Variants in BACE1 observed in about 807,000 individuals in gnomAD.
BACE1 encodes APP beta-secretase.
Under a neutral mutation model 54.0 loss-of-function variants are expected in BACE1, and 21 were observed. That is an observed-to-expected ratio of 0.39 (90% CI 0.28 to 0.56). BACE1 has a LOEUF of 0.56. Ranked by LOEUF, BACE1 falls within the 20% of genes least tolerant of loss-of-function variation. BACE1 has a pLI of 0.63. For missense variants in BACE1, 511 were observed against 661.2 expected, an observed-to-expected ratio of 0.77 and a Z score of 2.49; for synonymous variants, 232 against 260.9, an observed-to-expected ratio of 0.89 and a Z score of 1.07.
At position 117,303,589 on chromosome 11, in the gene BACE1, C is replaced by G. The variant is rs28989482; in HGVS notation, c.262-6628G>C. Among the ~76,000 whole-genome samples the G allele has an allele frequency of 2.8e-3, 428 of 152,304 alleles. 14 individuals carry two copies. In the South Asian group the frequency reaches 0.05, roughly 18 times the overall value. On this transcript the variant is annotated intron_variant, in intron 1 of 8. Coordinates refer to ENST00000313005, the MANE Select transcript of BACE1 (RefSeq NM_012104.6). ...CTCAGATTCTTCTGGATGAAAAACG[C>G]CTTCAAGGGGCATCTGTTTAGTGGC...
chr11:117,290,357 C>A lies in BACE1; in HGVS notation c.1264+131G>T. 3 of 1,146,342 alleles carry A rather than the reference C, an allele frequency of 2.6e-6. 1 individual carries two copies. The South Asian group carries it at 5.0e-5, about 19-fold the overall frequency. 71.0% of individuals were successfully genotyped at this position (1,146,342 alleles called of 1,614,324 possible). A position where few individuals can be genotyped will look rare whatever the true frequency, so the allele number is the denominator to read the frequency against. ...AGCATTGACACTAGCTTTTGCACAA[C>A]TGTTGACTTGGGTTTGAGGCAACTG... is the stretch of plus-strand genomic sequence containing the variant. On this transcript the variant is annotated intron_variant, in intron 8 of 8. Transcript: ENST00000313005.
chr11:117,290,487 C>T lies in BACE1; in HGVS notation c.1264+1G>A, dbSNP rs985291140. On this transcript the variant is annotated splice_donor_variant, in intron 8 of 8. Transcript: ENST00000313005. LOFTEE classifies it high-confidence loss of function. ...CAAACCCTCAGCCCTGGCACTCTCACCATGGCAAGCGCTGACAGCAAAGCC... is the reference window on the plus strand; with the variant it reads ...CAAACCCTCAGCCCTGGCACTCTCATCATGGCAAGCGCTGACAGCAAAGCC... 1 of 1,613,876 alleles carries T rather than the reference C, an allele frequency of 6.2e-7. No homozygotes were observed. Among genetic ancestry groups the T allele is most frequent in the Non-Finnish European group, 8.5e-7 (1 of 1,179,890 alleles).
In BACE1 at chr11:117,294,126, A is replaced by G. The variant is rs1391710702; in HGVS notation, c.568-118T>C. 7 of 1,187,824 alleles carry G rather than the reference A, an allele frequency of 5.9e-6. No homozygotes were observed. In the East Asian group the frequency reaches 1.8e-4, roughly 30 times the overall value. The allele number at this position is 1,187,824 out of a possible 1,614,324, so 73.6% of individuals were successfully genotyped here. ...TGGGGGATGCTCCTTGGGAAAGACC[A>G]TCTTAAGGCACTGAGATTTGGCAGA... On this transcript the variant is annotated intron_variant, in intron 3 of 8. Coordinates refer to ENST00000313005, the MANE Select transcript of BACE1 (RefSeq NM_012104.6).
rs1480915463 is a variant in BACE1 at position 117,289,785 on chromosome 11, T to C, written c.1287A>G (p.Ala429=). The C allele has an allele frequency of 6.2e-7, 1 of 1,614,222 alleles. No individual in the cohort carries two copies. The highest frequency in any genetic ancestry group is 1.1e-5 in the South Asian group (1 of 91,086). The stretch of plus-strand genomic sequence containing the variant: ...AGGTGACAAAAGGGCCTTCCACCGC[T>C]GCCGTCCTGAACTCATCGTGCACTG... The part of the protein sequence containing the change: ...ACHVHDEFRT[A]AVEGPFVTLD... The change falls in exon 9 of 9, where the codon GCA becomes GCG. Residue 429 remains alanine, a synonymous_variant. Coordinates refer to ENST00000313005, the MANE Select transcript of BACE1 (RefSeq NM_012104.6).
At chr11:117,306,332 C>T (rs2034832370) in intron 1 of BACE1, among the ~76,000 whole-genome samples, 2 of 152,162 alleles carry the variant, frequency 1.3e-5, no homozygotes, top group African/African-American at 2.4e-5. Context: ...GTTATTTAAC[C>T]TTGTCCCACC....
rs747745017 is a variant in BACE1 at position 117,294,012 on chromosome 11, T to A, written c.568-4A>T. On this transcript the variant is annotated splice_polypyrimidine_tract_variant and splice_region_variant and intron_variant, in intron 3 of 8. Transcript: ENST00000313005. The stretch of plus-strand genomic sequence containing the variant: ...AAGGCTCCAGGGAGTCGTCAGGCTT[T>A]GGCAGAAAGAGACAAGGAGTGAGTC... 6.8e-6 allele frequency: 11 copies of A among 1,613,056 alleles called. No individual in the cohort carries two copies. In the African/African-American group the frequency reaches 1.2e-4, roughly 18 times the overall value.
chr11:117,293,249 G>C lies in BACE1; in HGVS notation c.706-61C>G. On this transcript the variant is annotated intron_variant, in intron 4 of 8. Transcript: ENST00000313005. The surrounding 1 kb of genome is among the most constrained non-coding windows in gnomAD (Gnocchi z 4.1). ...CACAGAAGGAGAGTGAGTCCCCCAA[G>C]GACCAAGCAATAAGATCAGTGATTT... The C allele has an allele frequency of 6.4e-7, 1 of 1,570,714 alleles. No homozygotes were observed.
intron 2 of BACE1, among the ~76,000 whole-genome samples, chr11:117,296,509 G>T (rs117796177): frequency 3.5e-4 from 53 of 152,266 alleles, no homozygotes; most frequent in Non-Finnish European, 6.3e-4. Context: ...TGGTGTTAGA[G>T]AACTGAGAGA....
intron 1 of BACE1, among the ~76,000 whole-genome samples, chr11:117,310,198 C>G (rs1013492139): frequency 6.6e-6 from 1 of 152,048 alleles, no homozygotes; most frequent in African/African-American, 2.4e-5. Context: ...GCGTGAGCTG[C>G]TGAACCTGGC....
chr11:117,302,729 G>A (rs1365898638), intron 1 of BACE1, among the ~76,000 whole-genome samples: 1 of 152,022 alleles, frequency 6.6e-6, no homozygotes, highest in African/African-American at 2.4e-5. Context: ...TTAAAAACAC[G>A]AAAAAATGAG....
Position 117,290,571 on chromosome 11 carries a change from A to G in BACE1, c.1181T>C (p.Met394Thr). ...AISQSSTGTV[M>T]GAVIMEGFYV... ...GAAGCCCTCCATGATAACAGCTCCC[A>G]TAACAGTGCCCGTGGATGACTGTGA... The change falls in exon 8 of 9, where the codon ATG (methionine) becomes ACG (threonine). Residue 394 changes from methionine (M) to threonine (T), a missense_variant. By Grantham distance (81) the Met-to-Thr change is moderately conservative. Around this residue, in one of 2 missense-constraint regions of BACE1, gnomAD observed 407 missense variants for 565.7 expected, o/e 0.72. Transcript: ENST00000313005. 1 of 1,614,228 alleles carries G rather than the reference A, an allele frequency of 6.2e-7. No homozygotes were observed. Among genetic ancestry groups the G allele is most frequent in the Non-Finnish European group, 8.5e-7 (1 of 1,180,042 alleles).
intron 1 of BACE1, among the ~76,000 whole-genome samples, chr11:117,303,522 C>T (rs1280266907): frequency 6.6e-6 from 1 of 152,220 alleles, no homozygotes; most frequent in African/African-American, 2.4e-5. Context: ...TCCCCAAATC[C>T]CACCTTTCTT....
intron 6 of BACE1, among the ~76,000 whole-genome samples, chr11:117,291,258 GAC>G (rs2034422486): frequency 6.6e-6 from 1 of 151,822 alleles, no homozygotes; most frequent in African/African-American, 2.4e-5. Flanking sequence ...TGAGCAAAGT[GAC>G]AGCCATAAAG....
chr11:117,289,424 C>T lies in BACE1; in HGVS notation c.*142G>A, dbSNP rs191264852. On this transcript the variant is annotated 3_prime_UTR_variant, in exon 9 of 9. Transcript: ENST00000313005. Reference sequence around the variant, plus strand: ...CCACCTTGCCAGCCTTTTCCTTCTCCATCAAGGCAGAGGCATTTGGTGGGT... The same window carrying T: ...CCACCTTGCCAGCCTTTTCCTTCTCTATCAAGGCAGAGGCATTTGGTGGGT... 5.8e-5 allele frequency: 81 copies of T among 1,386,760 alleles called. No individual in the cohort carries two copies. In the East Asian group the frequency reaches 1.5e-3, roughly 25 times the overall value. 85.9% of individuals were successfully genotyped at this position (1,386,760 alleles called of 1,614,324 possible).
At chr11:117,302,967 C>T (rs1206839690) in intron 1 of BACE1, among the ~76,000 whole-genome samples, 3 of 152,234 alleles carry the variant, frequency 2.0e-5, no homozygotes, top group African/African-American at 7.2e-5. Context: ...GAATTTAAAA[C>T]TATTAAAATG....
chr11:117,289,762 G>T lies in BACE1; in HGVS notation c.1310C>A (p.Thr437Asn). 1 of 1,614,178 alleles carries T rather than the reference G, an allele frequency of 6.2e-7. No homozygotes were observed. Among genetic ancestry groups the T allele is most frequent in the Non-Finnish European group, 8.5e-7 (1 of 1,180,040 alleles). The change falls in exon 9 of 9, where the codon ACC becomes AAC. Residue 437 changes from threonine to asparagine, a missense_variant. Around this residue, in one of 2 missense-constraint regions of BACE1, gnomAD observed 407 missense variants for 565.7 expected, o/e 0.72. Transcript: ENST00000313005. ...RTAAVEGPFV[T>N]LDMEDCGYNI... ...GTAGCCACAGTCTTCCATGTCCAAGGTGACAAAAGGGCCTTCCACCGCTGC... is the reference window on the plus strand; with the variant it reads ...GTAGCCACAGTCTTCCATGTCCAAGTTGACAAAAGGGCCTTCCACCGCTGC...
chr11:117,305,852 G>A (rs896342421), intron 1 of BACE1, among the ~76,000 whole-genome samples: 4 of 151,900 alleles, frequency 2.6e-5, no homozygotes, highest in Middle Eastern at 3.2e-3. Context: ...TGGCTAACAC[G>A]GTGAAACCCC....
intron 1 of BACE1, among the ~76,000 whole-genome samples, chr11:117,301,238 C>T (rs902936737): frequency 3.3e-5 from 5 of 152,208 alleles, no homozygotes; most frequent in African/African-American, 1.2e-4. Context: ...TGTCTAAGCT[C>T]CTAACTCCAG....
At chr11:117,312,697 A>G (rs1453973949) in intron 1 of BACE1, among the ~76,000 whole-genome samples, 1 of 152,124 alleles carries the variant, frequency 6.6e-6, no homozygotes, top group Non-Finnish European at 1.5e-5. Flanking sequence ...TCCTGACCTC[A>G]GGTGATCCGC....
Sources: gnomAD v4.1 joint callset for allele counts (sites outside exome capture counted in the v4.1 genomes callset) on GRCh38, gnomAD v4.1.1 for gene constraint, gnomAD v4.1.1 regional missense constraint, Gnocchi (gnomAD v3.1) non-coding constraint, MANE v1.5 for transcripts, NCBI Gene and HGNC (gene_info 2026-07-23, HGNC 2026-07-21) for gene names.